Variants in VWF observed in about 807,000 individuals in gnomAD.
The protein encoded by VWF is von Willebrand factor, also known as Factor VIII related antigen.
VWF carries 176 observed loss-of-function variants against 308.6 expected under a neutral mutation model. That is an observed-to-expected ratio of 0.57 (90% CI 0.50 to 0.65). VWF has a LOEUF of 0.65. VWF is among the 30% of genes least tolerant of loss of function. VWF has a pLI of 0.00. For synonymous variants in VWF, 1,385 were observed against 1,443.4 expected (o/e 0.96, Z 0.92); for missense variants, 3,146 against 3,648.2 (o/e 0.86, Z 3.55).
Position 5,967,544 on chromosome 12 carries a change from C to G in VWF, c.7829G>C (p.Gly2610Ala). ...CTTCRCMVQVGVISGFKLECR... is the reference protein window; with the variant it reads ...CTTCRCMVQVAVISGFKLECR... ...CTCCAGCTTGAATCCAGAGATGACC[C>G]CCACCTGCACCATGCAGCGGCAGGT... Residue 2610 changes from glycine (G) to alanine (A), a missense_variant, in exon 47 of 52, where the codon GGG (glycine) becomes GCG (alanine). Transcript: ENST00000261405. 1 of 1,614,120 alleles carries G rather than the reference C, an allele frequency of 6.2e-7. No homozygotes were observed.
At chr12:6,027,849 T>TACACACACACACAC (rs138442170) in intron 22 of VWF, among the ~76,000 whole-genome samples, 9 of 131,274 alleles carry the variant, frequency 6.9e-5, no homozygotes, top group African/African-American at 2.0e-4. Context: ...GGAAGACACA[T>TACACACACACACAC]ACACACACAC....
At chr12:6,119,971 T>C (rs1401083604) in intron 3 of VWF, among the ~76,000 whole-genome samples, 3 of 152,188 alleles carry the variant, frequency 2.0e-5, no homozygotes, top group Non-Finnish European at 4.4e-5. Flanking sequence ...GTGGGAAGGA[T>C]GGCAGTGCCC....
chr12:6,058,874 T>C lies in VWF; in HGVS notation c.1534-830A>G, dbSNP rs1944624388. Among the ~76,000 whole-genome samples the C allele has an allele frequency of 1.3e-5, 2 of 152,158 alleles. No individual in the cohort carries two copies. Among genetic ancestry groups the C allele is most frequent in the Admixed American group, 1.3e-4 (2 of 15,290 alleles). On this transcript the variant is annotated intron_variant, in intron 13 of 51. Transcript: ENST00000261405. This position sits in a 1 kb window ranked among gnomAD's most constrained non-coding sequence, Gnocchi z 4.9. ...GGAGCCCGCCCTTCCCCCACACAGC[T>C]GGGGGCATCTGCTGGTTTCTACGGA...
intron 34 of VWF, among the ~76,000 whole-genome samples, chr12:6,011,024 T>G (rs1943987465): frequency 6.6e-6 from 1 of 152,198 alleles, no homozygotes; most frequent in South Asian, 2.1e-4. Flanking sequence ...CAGTTTTGAT[T>G]GCATCCCACC....
intron 1 of VWF, 92 bp from the exon 2 acceptor site, chr12:6,123,288 ATTTC>A: frequency 7.1e-7 from 1 of 1,418,152 alleles, no homozygotes; most frequent in Non-Finnish European, 1.0e-6. Context: ...TAGCAAAAAC[ATTTC>A]TTTAAAGCAG....
chr12:5,983,261 G>T lies in VWF; in HGVS notation c.6977-7C>A, dbSNP rs1333929692. The T allele has an allele frequency of 9.9e-6, 16 of 1,613,406 alleles. No individual in the cohort carries two copies. Among genetic ancestry groups the T allele is most frequent in the African/African-American group, 1.3e-5 (1 of 74,924 alleles). ...CAGCTCACTGGGTCACACACTGAGGGCCAGAAAGAGAGACGTCCATGCAGA... is the reference window on the plus strand; with the variant it reads ...CAGCTCACTGGGTCACACACTGAGGTCCAGAAAGAGAGACGTCCATGCAGA... On this transcript the variant is annotated splice_polypyrimidine_tract_variant and splice_region_variant and intron_variant, in intron 40 of 51. Transcript: ENST00000261405.
At chr12:6,117,773 C>T (rs978231220) in intron 3 of VWF, among the ~76,000 whole-genome samples, 32 of 152,198 alleles carry the variant, frequency 2.1e-4, no homozygotes, top group African/African-American at 6.5e-4. Flanking sequence ...CGAGATCGCA[C>T]CACTGCAATC....
In VWF at chr12:6,063,119, G is replaced by A. The variant is rs1944673784; in HGVS notation, c.1433-65C>T. On this transcript the variant is annotated intron_variant, in intron 12 of 51. Coordinates refer to ENST00000261405, the MANE Select transcript of VWF (RefSeq NM_000552.5). The surrounding 1 kb of genome is among the most constrained non-coding windows in gnomAD (Gnocchi z 4.9). ...GAGGACAGGGTGGTGGCAGGCAGAT[G>A]TATTTGGGAGGAAATGGGGTGTCTC... 12 of 1,347,300 alleles carry A rather than the reference G, an allele frequency of 8.9e-6. No individual in the cohort carries two copies. The highest frequency in any genetic ancestry group is 1.4e-5 in the African/African-American group (1 of 71,158). The allele number at this position is 1,347,300 out of a possible 1,614,324, so 83.5% of individuals were successfully genotyped here. A position where few individuals can be genotyped will look rare whatever the true frequency, so the allele number is the denominator to read the frequency against.
In VWF at chr12:5,994,064, A is replaced by G. The variant is rs1943777945; in HGVS notation, c.6396T>C (p.Leu2132=). ...TCQPILEEQC[L]VPDSSHCQVL... is the part of the protein sequence containing the mutation. ...CCTGGCAGTGGGAGCTGTCGGGGAC[A>G]AGACACTGCTCCTCCAGGATGGGCT... Residue 2132 remains leucine, a synonymous_variant, in exon 37 of 52, where the codon CTT becomes CTC. Transcript: ENST00000261405. 1.2e-6 allele frequency: 2 copies of G among 1,614,070 alleles called. No individual in the cohort carries two copies. The highest frequency in any genetic ancestry group is 1.7e-6 in the Non-Finnish European group (2 of 1,180,042).
chr12:6,051,554 G>A (rs761420660), intron 16 of VWF, among the ~76,000 whole-genome samples: 14 of 152,198 alleles, frequency 9.2e-5, no homozygotes, highest in Middle Eastern at 3.4e-3. Context: ...GATTACAGGC[G>A]TGAGCCACTG....
chr12:6,008,758 G>C (rs1233006007), intron 34 of VWF, among the ~76,000 whole-genome samples: 1 of 152,126 alleles, frequency 6.6e-6, no homozygotes, highest in East Asian at 1.9e-4. Context: ...CATATGCATA[G>C]AAAACTCTAA....
Position 6,019,120 on chromosome 12 carries a change from G to A in VWF, c.4298C>T (p.Pro1433Leu). The change falls in exon 28 of 52, where the codon CCT becomes CTT. Residue 1433 changes from proline to leucine, a missense_variant. Coordinates refer to ENST00000261405, the MANE Select transcript of VWF (RefSeq NM_000552.5). This position sits in a 1 kb window ranked among gnomAD's most constrained non-coding sequence, Gnocchi z 5.8. ...GCTCAGCACGAAGGCCTTGTTCTCAGGGGCCTGCTTCTCGATGAGGCGGAT... is the reference window on the plus strand; with the variant it reads ...GCTCAGCACGAAGGCCTTGTTCTCAAGGGCCTGCTTCTCGATGAGGCGGAT... ...KQIRLIEKQAPENKAFVLSSV... is the reference protein window; with the variant it reads ...KQIRLIEKQALENKAFVLSSV... 1 of 1,613,890 alleles carries A rather than the reference G, an allele frequency of 6.2e-7. No homozygotes were observed. Among genetic ancestry groups the A allele is most frequent in the Non-Finnish European group, 8.5e-7 (1 of 1,179,842 alleles).
intron 47 of VWF, among the ~76,000 whole-genome samples, chr12:5,957,252 T>C (rs751315616): frequency 1.3e-5 from 2 of 152,080 alleles, no homozygotes; most frequent in Non-Finnish European, 2.9e-5. Flanking sequence ...ACAACAAAAA[T>C]CACCTAACGA....
At chr12:5,985,955 G>A (rs1943676122) in intron 38 of VWF, among the ~76,000 whole-genome samples, 1 of 152,214 alleles carries the variant, frequency 6.6e-6, no homozygotes, top group South Asian at 2.1e-4. Flanking sequence ...GAGAGTTCTT[G>A]GATCGCACTG....
chr12:6,044,430 C>A lies in VWF; in HGVS notation c.2303G>T (p.Arg768Leu). 1 of 1,614,126 alleles carries A rather than the reference C, an allele frequency of 6.2e-7. No individual in the cohort carries two copies. Among genetic ancestry groups the A allele is most frequent in the South Asian group, 1.1e-5 (1 of 91,068 alleles). The change falls in exon 18 of 52, where the codon CGG becomes CTG. Residue 768 changes from arginine to leucine, a missense_variant. Arg to Leu is a moderately radical substitution (Grantham distance 102). Around this residue, in one of 3 missense-constraint regions of VWF, gnomAD observed 1,304 missense variants for 1,353.0 expected, o/e 0.96. Coordinates refer to ENST00000261405, the MANE Select transcript of VWF (RefSeq NM_000552.5). ...SHRSKRSLSCRPPMVKLVCPA... is the reference protein window; with the variant it reads ...SHRSKRSLSCLPPMVKLVCPA... The stretch of plus-strand genomic sequence containing the variant: ...ACACACCAGCTTGACCATGGGGGGC[C>A]GACAGGATAGGCTCCTTTTGCCTCG...
chr12:6,045,566 T>A (rs1944438709), intron 17 of VWF, among the ~76,000 whole-genome samples: 1 of 152,104 alleles, frequency 6.6e-6, no homozygotes, highest in Admixed American at 6.5e-5. Flanking sequence ...GGTCACAAGT[T>A]CTGGTCTCAA....
At chr12:5,996,277 C>A (rs1943808033) in intron 34 of VWF, 55 bp from the exon 35 acceptor site, 1 of 1,527,430 alleles carries the variant, frequency 6.5e-7, no homozygotes, top group African/African-American at 1.4e-5. Context: ...CCCATGCCTA[C>A]TACATGCAGA....
chr12:6,106,334 C>A (rs1033754867), intron 5 of VWF, among the ~76,000 whole-genome samples: 1 of 152,042 alleles, frequency 6.6e-6, no homozygotes, highest in African/African-American at 2.4e-5. Flanking sequence ...AATAAGCCAG[C>A]CACAAAAAGA....
chr12:5,986,777 G>A (rs997100067), intron 38 of VWF, among the ~76,000 whole-genome samples: 14 of 152,226 alleles, frequency 9.2e-5, no homozygotes, highest in Non-Finnish European at 1.0e-4. Flanking sequence ...GCAGTCCTAC[G>A]GTGAGGATAT....
Sources: gnomAD v4.1 joint callset for allele counts (sites outside exome capture counted in the v4.1 genomes callset) on GRCh38, gnomAD v4.1.1 for gene constraint, gnomAD v4.1.1 regional missense constraint, Gnocchi (gnomAD v3.1) non-coding constraint, MANE v1.5 for transcripts, NCBI Gene and HGNC (gene_info 2026-07-23, HGNC 2026-07-21) for gene names.